WDPCP: variants seen among roughly 807,000 people sequenced by gnomAD.
WDPCP encodes WD repeat containing planar cell polarity effector, also known as WD repeat-containing and planar cell polarity effector protein fritz homolog.
In WDPCP, 71 loss-of-function variants were observed where a neutral mutation model predicts 93.1. That is an observed-to-expected ratio of 0.76 (90% CI 0.63 to 0.93). WDPCP has a LOEUF of 0.93. WDPCP is among the 40% of genes least tolerant of loss of function. The pLI is 0.00. For missense variants in WDPCP, 844 were observed against 887.4 expected (o/e 0.95, Z 0.62); for synonymous variants, 315 against 315.0 (o/e 1.00, Z 0.00).
Position 63,288,596 on chromosome 2 carries a change from A to G in WDPCP, c.1812+24652T>C, listed in dbSNP as rs1364328412. On this transcript the variant is annotated intron_variant, in intron 13 of 17. Coordinates refer to ENST00000272321, the MANE Select transcript of WDPCP (RefSeq NM_015910.7). ...TTTTTTTCTGAACCATTTCAGAGTA[A>G]GTTGCCAACATATTCTTGAATACCT... Among the ~76,000 whole-genome samples the G allele has an allele frequency of 3.9e-5, 6 of 152,338 alleles. No homozygotes were observed. The East Asian group carries it at 1.2e-3, about 29-fold the overall frequency.
At chr2:63,132,008 G>T (rs1670326622) in intron 17 of WDPCP, among the ~76,000 whole-genome samples, 1 of 151,574 alleles carries the variant, frequency 6.6e-6, no homozygotes, top group Non-Finnish European at 1.5e-5. Flanking sequence ...CTAATATTTT[G>T]TATTTTTAGT....
chr2:63,278,690 G>A (rs1328027617), intron 13 of WDPCP, among the ~76,000 whole-genome samples: 1 of 152,106 alleles, frequency 6.6e-6, no homozygotes, highest in African/African-American at 2.4e-5. Context: ...AGCCGGGCAT[G>A]GTGGCGGGCA....
At chr2:63,476,464 G>A (rs1575491103) in intron 6 of WDPCP, among the ~76,000 whole-genome samples, 1 of 152,224 alleles carries the variant, frequency 6.6e-6, no homozygotes, top group East Asian at 1.9e-4. Flanking sequence ...TCTAAGTAAA[G>A]TTATAAATTC....
intron 3 of WDPCP, among the ~76,000 whole-genome samples, chr2:63,646,062 C>T (rs542123868): frequency 1.6e-4 from 24 of 152,114 alleles, no homozygotes; most frequent in South Asian, 4.2e-4. Flanking sequence ...AGTTGTTTAG[C>T]GGTTTTCTCT....
chr2:63,810,542 A>G (rs1352651842), intron 2 of WDPCP, among the ~76,000 whole-genome samples: 1 of 152,216 alleles, frequency 6.6e-6, no homozygotes, highest in Non-Finnish European at 1.5e-5. Context: ...GAAAAAGAAC[A>G]GTGGGAGTCA....
At chr2:63,718,115 T>C (rs62137457) in intron 2 of WDPCP, among the ~76,000 whole-genome samples, 3,586 of 152,158 alleles carry the variant, frequency 0.024, 64 homozygotes, top group South Asian at 0.072. Flanking sequence ...TGATATGATA[T>C]ATATGATATA....
At chr2:63,238,012 A>AT (rs931274943) in intron 14 of WDPCP, among the ~76,000 whole-genome samples, 1 of 151,920 alleles carries the variant, frequency 6.6e-6, no homozygotes, top group East Asian at 1.9e-4. Flanking sequence ...TAAAAAAAAA[A>AT]ACAACAAAAT....
At chr2:63,522,441 C>T (rs542949742) in intron 1 of WDPCP, among the ~76,000 whole-genome samples, 34 of 130,444 alleles carry the variant, frequency 2.6e-4, no homozygotes, top group South Asian at 1.4e-3. Flanking sequence ...GAAATCAAGA[C>T]AGACAGACAG....
At chr2:63,456,563 G>C (rs1698634717) in intron 6 of WDPCP, among the ~76,000 whole-genome samples, 1 of 152,030 alleles carries the variant, frequency 6.6e-6, no homozygotes, top group African/African-American at 2.4e-5. Flanking sequence ...CAAAAAAACA[G>C]AAAGATTTCA....
intron 15 of WDPCP, among the ~76,000 whole-genome samples, chr2:63,167,402 G>T (rs1476767827): frequency 6.6e-6 from 1 of 151,858 alleles, no homozygotes; most frequent in African/African-American, 2.4e-5. Flanking sequence ...TCTGGTAAAA[G>T]TGCTTAGTGG....
chr2:63,400,694 A>G (rs951948248), intron 10 of WDPCP, among the ~76,000 whole-genome samples: 4 of 152,352 alleles, frequency 2.6e-5, no homozygotes, highest in African/African-American at 9.6e-5. Context: ...GACAATCCTA[A>G]GCCAAAAGAA....
chr2:63,170,276 C>CT lies in WDPCP; in HGVS notation c.2078+4393dup, dbSNP rs1168550595. 2.8e-3 allele frequency among the ~76,000 whole-genome samples: 405 copies of CT among 143,980 alleles called. 1 individual carries two copies. Among genetic ancestry groups the CT allele is most frequent in the African/African-American group, 7.4e-3 (291 of 39,540 alleles). The allele number at this position is 143,980 out of a possible 152,430, so 94.5% of individuals were successfully genotyped here. A position where few individuals can be genotyped will look rare whatever the true frequency, so the allele number is the denominator to read the frequency against. The stretch of plus-strand genomic sequence containing the variant: ...TCCATTTTTTTCTTTTTCTTTCTTT[C>CT]TTTTTTTTTTTTCTGAGATGGAGTC... On this transcript the variant is annotated intron_variant, in intron 15 of 17. Coordinates refer to ENST00000272321, the MANE Select transcript of WDPCP (RefSeq NM_015910.7).
intron 14 of WDPCP, among the ~76,000 whole-genome samples, chr2:63,193,624 G>A (rs988802629): frequency 6.6e-6 from 1 of 152,180 alleles, no homozygotes; most frequent in Non-Finnish European, 1.5e-5. Flanking sequence ...GTAGTTGGAA[G>A]TACAAGCACG....
rs536898491 is a variant in WDPCP at position 63,348,160 on chromosome 2, G to T, written c.1748+30226C>A. On this transcript the variant is annotated intron_variant, in intron 12 of 17. Transcript: ENST00000272321. ...TTTATAATCTTGGCATTTAATTAAAGTTTGGTAAGTTCTTCATCTATAAAG... is the reference window on the plus strand; with the variant it reads ...TTTATAATCTTGGCATTTAATTAAATTTTGGTAAGTTCTTCATCTATAAAG... 9.9e-5 allele frequency among the ~76,000 whole-genome samples: 15 copies of T among 152,222 alleles called. 1 individual carries two copies. Among genetic ancestry groups the T allele is most frequent in the African/African-American group, 3.4e-4 (14 of 41,558 alleles).
At chr2:63,508,306 C>T (rs1282323872) in intron 1 of WDPCP, among the ~76,000 whole-genome samples, 1 of 152,166 alleles carries the variant, frequency 6.6e-6, no homozygotes, top group Non-Finnish European at 1.5e-5. Flanking sequence ...AAAGAATTTT[C>T]AACCCAGAAT....
At chr2:63,580,423 A>T (rs1708419681) in intron 1 of WDPCP, among the ~76,000 whole-genome samples, 1 of 152,214 alleles carries the variant, frequency 6.6e-6, no homozygotes, top group African/African-American at 2.4e-5. Context: ...TCTGGTGAAT[A>T]CCTTAACCAA....
At chr2:63,209,771 G>C (rs1224155677) in intron 14 of WDPCP, among the ~76,000 whole-genome samples, 1 of 152,116 alleles carries the variant, frequency 6.6e-6, no homozygotes, top group Non-Finnish European at 1.5e-5. Context: ...CCACTAATTG[G>C]ATACTGATTA....
intron 2 of WDPCP, among the ~76,000 whole-genome samples, chr2:63,760,678 T>C (rs1362560401): frequency 6.6e-6 from 1 of 152,134 alleles, no homozygotes; most frequent in African/African-American, 2.4e-5. Flanking sequence ...AAAGCTGAAG[T>C]CTCCAGCATT....
intron 6 of WDPCP, among the ~76,000 whole-genome samples, chr2:63,447,201 C>A (rs1378165139): frequency 6.6e-6 from 1 of 151,764 alleles, no homozygotes; most frequent in Non-Finnish European, 1.5e-5. Flanking sequence ...GGTACATATA[C>A]GTATAAAGAA....
Sources: allele counts gnomAD v4.1 joint callset (sites outside exome capture counted in the v4.1 genomes callset), GRCh38; gene constraint gnomAD v4.1.1; transcripts MANE v1.5; gene names NCBI Gene and HGNC (gene_info 2026-07-23, HGNC 2026-07-21).